PLCXD3: variants seen among roughly 807,000 people sequenced by gnomAD.
PLCXD3 encodes the protein phosphatidylinositol specific phospholipase C X domain containing 3.
PLCXD3 carries 19 observed loss-of-function variants against 25.5 expected under a neutral mutation model. The ratio of observed to expected loss-of-function variants is 0.75; its 90% CI spans 0.52 to 1.09. PLCXD3 has a LOEUF of 1.09. Ranked by LOEUF, PLCXD3 falls within the 50% of genes least tolerant of loss-of-function variation. PLCXD3 has a pLI of 0.00. For missense variants in PLCXD3, 411 were observed against 388.1 expected (o/e 1.06, Z -0.50); for synonymous variants, 174 against 137.6 (o/e 1.26, Z -1.85).
chr5:41,491,475 T>A (rs1405603419), intron 1 of PLCXD3, among the ~76,000 whole-genome samples: 4 of 152,188 alleles, frequency 2.6e-5, no homozygotes, highest in African/African-American at 7.2e-5. Flanking sequence ...CTGAGTTCAA[T>A]TCCTGGGTAT....
chr5:41,462,740 G>A lies in PLCXD3; in HGVS notation c.103+47684C>T, dbSNP rs148913033. On this transcript the variant is annotated intron_variant, in intron 1 of 2. Coordinates refer to ENST00000377801, the MANE Select transcript of PLCXD3 (RefSeq NM_001005473.3). ...GCAGAGGTTGCAGTGAGCTGAGATC[G>A]CATCATTTCACTCCAGCCTGGGCAA... Among the ~76,000 whole-genome samples the A allele has an allele frequency of 6.2e-3, 934 of 151,516 alleles. 10 individuals are homozygous for A. Among genetic ancestry groups the A allele is most frequent in the African/African-American group, 0.021 (885 of 41,290 alleles).
chr5:41,488,943 A>C (rs1748584319), intron 1 of PLCXD3, among the ~76,000 whole-genome samples: 1 of 151,732 alleles, frequency 6.6e-6, no homozygotes, highest in African/African-American at 2.4e-5. Flanking sequence ...ATTAGATCCC[A>C]TTTGTCAATT....
intron 1 of PLCXD3, among the ~76,000 whole-genome samples, chr5:41,489,458 T>A (rs1337384832): frequency 6.6e-6 from 1 of 152,160 alleles, no homozygotes; most frequent in Non-Finnish European, 1.5e-5. Context: ...TTTTTCCAAT[T>A]CTGTGATGAA....
chr5:41,351,413 A>T (rs1012858502), intron 2 of PLCXD3, among the ~76,000 whole-genome samples: 3 of 152,188 alleles, frequency 2.0e-5, no homozygotes, highest in Non-Finnish European at 4.4e-5. Flanking sequence ...ACAGGGGCTG[A>T]GCACATGGTA....
At chr5:41,496,383 CAA>C (rs1168465712) in intron 1 of PLCXD3, among the ~76,000 whole-genome samples, 1 of 151,764 alleles carries the variant, frequency 6.6e-6, no homozygotes, top group Non-Finnish European at 1.5e-5. Context: ...CTGAGGAACT[CAA>C]ATAAGTCAAT....
intron 2 of PLCXD3, among the ~76,000 whole-genome samples, chr5:41,374,507 C>T (rs1405046179): frequency 1.3e-5 from 2 of 152,102 alleles, no homozygotes; most frequent in African/African-American, 2.4e-5. Flanking sequence ...TTAGGAATAA[C>T]ACTTGTACGA....
Position 41,312,582 on chromosome 5 carries a change from CCTCT to C in PLCXD3, c.*1031_*1034del, listed in dbSNP as rs1743160185. On this transcript the variant is annotated 3_prime_UTR_variant, in exon 3 of 3. Transcript: ENST00000377801. ...CCCTCCCTCTCTTCCTCCCTCCCTC[CCTCT>C]CTTCCTTCCTTCCTTCCTCCCTTCC... 2 of 149,874 alleles carry C rather than the reference CCTCT, an allele frequency of 1.3e-5. No homozygotes were observed. The highest frequency in any genetic ancestry group is 4.3e-4 in the South Asian group (2 of 4,664). 9.3% of individuals were successfully genotyped at this position (149,874 alleles called of 1,614,324 possible).
intron 1 of PLCXD3, among the ~76,000 whole-genome samples, chr5:41,405,747 T>C (rs1446277857): frequency 6.6e-6 from 1 of 152,152 alleles, no homozygotes; most frequent in Non-Finnish European, 1.5e-5. Flanking sequence ...AATTAGGCAA[T>C]CATTGGTCCA....
At chr5:41,401,697 T>G (rs1233978191) in intron 1 of PLCXD3, among the ~76,000 whole-genome samples, 1 of 152,170 alleles carries the variant, frequency 6.6e-6, no homozygotes, top group South Asian at 2.1e-4. Flanking sequence ...ATGCATTATT[T>G]TCCTCTTAAA....
At chr5:41,491,115 A>T (rs1190865318) in intron 1 of PLCXD3, among the ~76,000 whole-genome samples, 1 of 152,206 alleles carries the variant, frequency 6.6e-6, no homozygotes, top group Middle Eastern at 3.2e-3. Context: ...AATGTGTCCC[A>T]GAGATTGTGG....
At chr5:41,436,777 C>T (rs960742514) in intron 1 of PLCXD3, among the ~76,000 whole-genome samples, 15 of 152,080 alleles carry the variant, frequency 9.9e-5, no homozygotes, top group African/African-American at 3.6e-4. Flanking sequence ...AAGATATAAA[C>T]CTACTTCAGA....
intron 1 of PLCXD3, among the ~76,000 whole-genome samples, chr5:41,412,650 G>T (rs371210660): frequency 6.6e-6 from 1 of 152,010 alleles, no homozygotes; most frequent in African/African-American, 2.4e-5. Flanking sequence ...CAGAAAACAG[G>T]CATTTCTTGT....
At chr5:41,374,063 A>G (rs997724692) in intron 2 of PLCXD3, among the ~76,000 whole-genome samples, 1 of 152,072 alleles carries the variant, frequency 6.6e-6, no homozygotes, top group African/African-American at 2.4e-5. Context: ...TTTAAGGAAG[A>G]ACTAACTGAG....
chr5:41,381,862 C>G lies in PLCXD3; in HGVS notation c.776G>C (p.Gly259Ala). The G allele has an allele frequency of 6.2e-7, 1 of 1,612,454 alleles. No individual in the cohort carries two copies. The highest frequency in any genetic ancestry group is 8.5e-7 in the Non-Finnish European group (1 of 1,179,480). ...TGTTTCTCTGAGGCCACTTGCCACC[C>G]CTTTGACCACAGTGCTAGCTTTGGG... ...LTPKASTVVKGVASGLRETIT... is the reference protein window; with the variant it reads ...LTPKASTVVKAVASGLRETIT... The change falls in exon 2 of 3, where the codon GGG becomes GCG. Residue 259 changes from glycine to alanine, a missense_variant. Coordinates refer to ENST00000377801, the MANE Select transcript of PLCXD3 (RefSeq NM_001005473.3).
In PLCXD3 at chr5:41,310,313, C is replaced by T. The variant is rs921247650; in HGVS notation, c.*3304G>A. On this transcript the variant is annotated 3_prime_UTR_variant, in exon 3 of 3. Transcript: ENST00000377801. ...ATCAAACTTAAAAATGATCTCTTTG[C>T]ATATTTTCTCTCATTCCACCCACTC... 6.6e-6 allele frequency: 1 copy of T among 152,112 alleles called. No individual in the cohort carries two copies. The highest frequency in any genetic ancestry group is 1.5e-5 in the Non-Finnish European group (1 of 68,000). 9.4% of individuals were successfully genotyped at this position (152,112 alleles called of 1,614,324 possible).
chr5:41,432,853 G>T (rs1275161447), intron 1 of PLCXD3, among the ~76,000 whole-genome samples: 1 of 152,176 alleles, frequency 6.6e-6, no homozygotes, highest in Non-Finnish European at 1.5e-5. Flanking sequence ...CTATTTACAG[G>T]TTGAATAGAC....
intron 1 of PLCXD3, among the ~76,000 whole-genome samples, chr5:41,453,573 C>G (rs564812969): frequency 2.0e-5 from 3 of 151,884 alleles, no homozygotes; most frequent in Non-Finnish European, 2.9e-5. Flanking sequence ...ATATCTTTAC[C>G]TCATCGGTAA....
intron 1 of PLCXD3, among the ~76,000 whole-genome samples, chr5:41,407,209 A>T (rs148194755): frequency 1.3e-5 from 2 of 152,298 alleles, no homozygotes; most frequent in African/African-American, 4.8e-5. Context: ...TCCTCTATGT[A>T]ACTGGATAGG....
At chr5:41,314,993 G>A (rs866251793) in intron 2 of PLCXD3, among the ~76,000 whole-genome samples, 3 of 152,162 alleles carry the variant, frequency 2.0e-5, no homozygotes, top group Non-Finnish European at 4.4e-5. Context: ...GGAAGATTTA[G>A]CTGGATAAAG....
Sources: allele counts gnomAD v4.1 joint callset (sites outside exome capture counted in the v4.1 genomes callset), GRCh38; gene constraint gnomAD v4.1.1; transcripts MANE v1.5; gene names NCBI Gene and HGNC (gene_info 2026-07-23, HGNC 2026-07-21).